HERC1: variants seen among roughly 807,000 people sequenced by gnomAD.
HERC1 encodes HECT and RLD domain containing E3 ubiquitin protein ligase family member 1.
In HERC1, 160 loss-of-function variants were observed where a neutral mutation model predicts 554.3. The observed-to-expected ratio is 0.29, with a 90% CI of 0.25 to 0.33. The LOEUF (loss-of-function observed/expected upper bound fraction) is 0.33, where lower values mean the gene tolerates loss of function less well. Ranked by LOEUF, HERC1 falls within the 10% of genes least tolerant of loss-of-function variation. The pLI, the probability that HERC1 is intolerant of heterozygous loss-of-function variation, is 1.00. For missense variants in HERC1, 4,919 were observed against 5,918.5 expected (o/e 0.83, Z 5.54); for synonymous variants, 2,175 against 2,131.7 (o/e 1.02, Z -0.56).
intron 42 of HERC1, 27 bp downstream of exon 42, chr15:63,665,892 A>G: frequency 6.4e-7 from 1 of 1,558,896 alleles, no homozygotes; most frequent in Non-Finnish European, 8.8e-7. Flanking sequence ...AACACATGGA[A>G]CAAAAGTACA....
At chr15:63,712,074 C>A (rs1057028763) in intron 24 of HERC1, among the ~76,000 whole-genome samples, 12 of 152,168 alleles carry the variant, frequency 7.9e-5, no homozygotes, top group African/African-American at 2.9e-4. Flanking sequence ...ACCCTAAATG[C>A]CTGCAGTCCA....
intron 1 of HERC1, among the ~76,000 whole-genome samples, chr15:63,816,157 G>C (rs531523226): frequency 6.6e-6 from 1 of 152,156 alleles, no homozygotes; most frequent in Admixed American, 6.5e-5. Context: ...TTATAAGGAG[G>C]AAAAAAGGTT....
rs1030073281 is a variant in HERC1, at chr15:63,756,073, T to C, written c.1533+364A>G. 1.3e-5 allele frequency among the ~76,000 whole-genome samples: 2 copies of C among 152,164 alleles called. No homozygotes were observed. The highest frequency in any genetic ancestry group is 4.8e-5 in the African/African-American group (2 of 41,440). ...TATGCTTGTTAACTTATTATCTCTA[T>C]CCTGAAGACTAAAGGATTAAAGTAG... On this transcript the variant is annotated intron_variant, in intron 5 of 77. Transcript: ENST00000443617. This position sits in a 1 kb window ranked among gnomAD's most constrained non-coding sequence, Gnocchi z 5.0.
chr15:63,826,325 G>A (rs762796759), intron 1 of HERC1, among the ~76,000 whole-genome samples: 2 of 152,138 alleles, frequency 1.3e-5, no homozygotes, highest in South Asian at 2.1e-4. Flanking sequence ...TTTTCATTAC[G>A]ACTGCCCTTC....
chr15:63,796,494 G>T (rs150116696), intron 1 of HERC1, among the ~76,000 whole-genome samples: 168 of 152,278 alleles, frequency 1.1e-3, no homozygotes, highest in African/African-American at 3.6e-3. Context: ...TCATTCCGGG[G>T]TGTAGACTGT....
At chr15:63,754,038 G>A (rs2075338150) in intron 7 of HERC1, among the ~76,000 whole-genome samples, 1 of 152,082 alleles carries the variant, frequency 6.6e-6, no homozygotes, top group Non-Finnish European at 1.5e-5. Context: ...GTCAGGCATG[G>A]TGGTGCATGC....
rs1052705579 is a variant in HERC1 at position 63,632,937 on chromosome 15, C to T, written c.12694-126G>A. The T allele has an allele frequency of 4.8e-5, 31 of 648,440 alleles. No individual in the cohort carries two copies. In the African/African-American group the frequency reaches 4.9e-4, roughly 10 times the overall value. 40.2% of individuals were successfully genotyped at this position (648,440 alleles called of 1,614,324 possible). A position where few individuals can be genotyped will look rare whatever the true frequency, so the allele number is the denominator to read the frequency against. On this transcript the variant is annotated intron_variant, in intron 67 of 77. Coordinates refer to ENST00000443617, the MANE Select transcript of HERC1 (RefSeq NM_003922.4). ...ACTAATTGTCACTTACCTGTTCGAC[C>T]CAAATCCAAACCTGAAATGTTATTT...
At chr15:63,733,461 C>T (rs553765373) in intron 13 of HERC1, among the ~76,000 whole-genome samples, 1 of 152,282 alleles carries the variant, frequency 6.6e-6, no homozygotes, top group Admixed American at 6.5e-5. Flanking sequence ...AATAATATGA[C>T]ACATGATTCT....
In HERC1 at chr15:63,774,722, G is replaced by T; in HGVS notation, c.902C>A (p.Thr301Asn). 1 of 1,612,840 alleles carries T rather than the reference G, an allele frequency of 6.2e-7. No individual in the cohort carries two copies. Among genetic ancestry groups the T allele is most frequent in the Non-Finnish European group, 8.5e-7 (1 of 1,179,332 alleles). Residue 301 changes from threonine to asparagine, a missense_variant, in exon 2 of 78, where the codon ACC (threonine) becomes AAC (asparagine). Physicochemically the swap from Thr to Asn is moderately conservative, Grantham distance 65. This residue lies in a region of HERC1 where 744 missense variants were observed against 1,090.0 expected (regional missense o/e 0.68). Coordinates refer to ENST00000443617, the MANE Select transcript of HERC1 (RefSeq NM_003922.4). Reference protein sequence around the residue: ...EGMISFDCFMTILMQMRRSLG... With the variant: ...EGMISFDCFMNILMQMRRSLG... The stretch of plus-strand genomic sequence containing the variant: ...AGAACGCCTCATCTGCATTAATATG[G>T]TCATAAAGCAGTCAAAGCTGATCAT...
At chr15:63,815,606 T>A (rs2077466416) in intron 1 of HERC1, among the ~76,000 whole-genome samples, 1 of 152,224 alleles carries the variant, frequency 6.6e-6, no homozygotes. Context: ...CTCTGGCTTT[T>A]TCTCACTGAA....
intron 1 of HERC1, among the ~76,000 whole-genome samples, chr15:63,800,243 G>T (rs1041754917): frequency 6.6e-6 from 1 of 152,074 alleles, no homozygotes; most frequent in Admixed American, 6.6e-5. Context: ...TGTTTCAAAG[G>T]GGAAGAGTTT....
At chr15:63,621,090 G>A (rs1417209983) in intron 74 of HERC1, among the ~76,000 whole-genome samples, 2 of 152,176 alleles carry the variant, frequency 1.3e-5, no homozygotes, top group Non-Finnish European at 2.9e-5. Flanking sequence ...TCCTAGCCTC[G>A]ATGGTCTTTA....
chr15:63,719,718 G>A (rs2140434691), intron 19 of HERC1, among the ~76,000 whole-genome samples: 1 of 152,318 alleles, frequency 6.6e-6, no homozygotes, highest in East Asian at 1.9e-4. Context: ...CATTTTGAAG[G>A]CAGAATTGAC....
chr15:63,655,656 T>G, intron 50 of HERC1, 86 bp downstream of exon 50: 1 of 944,838 alleles, frequency 1.1e-6, no homozygotes, highest in Non-Finnish European at 1.6e-6. Context: ...CGTCATATAA[T>G]TTATCATATA....
chr15:63,665,613 T>G (rs2070589690), intron 42 of HERC1, among the ~76,000 whole-genome samples: 1 of 152,250 alleles, frequency 6.6e-6, no homozygotes, highest in Non-Finnish European at 1.5e-5. Context: ...TTATATCACT[T>G]GTACGAGATA....
chr15:63,796,571 T>G (rs2076819572), intron 1 of HERC1, among the ~76,000 whole-genome samples: 1 of 152,222 alleles, frequency 6.6e-6, no homozygotes, highest in African/African-American at 2.4e-5. Context: ...GTTAAGGACA[T>G]GCCTGTGATA....
At position 63,674,752 on chromosome 15, in the gene HERC1, T is replaced by C. The variant is rs773484472; in HGVS notation, c.7436A>G (p.His2479Arg). 1 of 1,613,892 alleles carries C rather than the reference T, an allele frequency of 6.2e-7. No individual in the cohort carries two copies. The highest frequency in any genetic ancestry group is 1.1e-5 in the South Asian group (1 of 91,052). The part of the protein sequence containing the change: ...DPTLPSVESQ[H>R]QITEGKRKNH... ...TTTTCTTTTCCCTTCTGTTATTTGATGTTGGGATTCCACACTTGGCAGTGT... is the reference window on the plus strand; with the variant it reads ...TTTTCTTTTCCCTTCTGTTATTTGACGTTGGGATTCCACACTTGGCAGTGT... Residue 2479 changes from histidine (H) to arginine (R), a missense_variant, in exon 38 of 78, where the codon CAT becomes CGT. By Grantham distance (29) the His-to-Arg change is conservative. Coordinates refer to ENST00000443617, the MANE Select transcript of HERC1 (RefSeq NM_003922.4).
chr15:63,612,586 G>T lies in HERC1; in HGVS notation c.14095-30C>A. 6.3e-7 allele frequency: 1 copy of T among 1,593,646 alleles called. No homozygotes were observed. Among genetic ancestry groups the T allele is most frequent in the Non-Finnish European group, 8.6e-7 (1 of 1,169,070 alleles). ...TCCCGGGAGAGGTTGCTCATTCAAT[G>T]AGTGTGCGTGAACCTGGCACCCACC... On this transcript the variant is annotated intron_variant, in intron 76 of 77. Coordinates refer to ENST00000443617, the MANE Select transcript of HERC1 (RefSeq NM_003922.4). The surrounding 1 kb of genome is among the most constrained non-coding windows in gnomAD (Gnocchi z 5.0).
At chr15:63,778,365 A>C (rs970294720) in intron 1 of HERC1, among the ~76,000 whole-genome samples, 9 of 152,230 alleles carry the variant, frequency 5.9e-5, no homozygotes, top group Non-Finnish European at 1.5e-5. Flanking sequence ...CAGAGCACAG[A>C]CTACAGGGAA....
Sources: gnomAD v4.1 joint callset for allele counts (sites outside exome capture counted in the v4.1 genomes callset) on GRCh38, gnomAD v4.1.1 for gene constraint, gnomAD v4.1.1 regional missense constraint, Gnocchi (gnomAD v3.1) non-coding constraint, MANE v1.5 for transcripts, NCBI Gene and HGNC (gene_info 2026-07-23, HGNC 2026-07-21) for gene names.